GRM5: variants seen among roughly 807,000 people sequenced by gnomAD.
The protein encoded by GRM5 is metabotropic glutamate receptor 5.
GRM5 carries 19 observed loss-of-function variants against 83.1 expected under a neutral mutation model. That is an observed-to-expected ratio of 0.23 (90% CI 0.16 to 0.34). GRM5 has a LOEUF of 0.34. GRM5 is among the 10% of genes least tolerant of loss of function. GRM5 has a pLI of 1.00. For missense variants in GRM5, 1,160 were observed against 1,588.3 expected (o/e 0.73, Z 4.58); for synonymous variants, 675 against 633.6 (o/e 1.07, Z -0.98).
At chr11:88,555,705 G>C (rs907607136) in intron 8 of GRM5, among the ~76,000 whole-genome samples, 1 of 152,088 alleles carries the variant, frequency 6.6e-6, no homozygotes, top group African/African-American at 2.4e-5. Flanking sequence ...ACAGAGCAAG[G>C]CTAGGCACAA....
chr11:88,936,562 A>C (rs1369350392), intron 2 of GRM5, among the ~76,000 whole-genome samples: 1 of 151,900 alleles, frequency 6.6e-6, no homozygotes, highest in Non-Finnish European at 1.5e-5. Flanking sequence ...AGTATCTTTT[A>C]ACATAAACCA....
chr11:88,965,151 G>T (rs1938912300), intron 2 of GRM5, among the ~76,000 whole-genome samples: 2 of 152,262 alleles, frequency 1.3e-5, no homozygotes, highest in African/African-American at 2.4e-5. Flanking sequence ...AAACGTACTT[G>T]TTTTATTCAG....
intron 2 of GRM5, among the ~76,000 whole-genome samples, chr11:88,913,983 C>T (rs1019932321): frequency 6.6e-6 from 1 of 152,124 alleles, no homozygotes; most frequent in African/African-American, 2.4e-5. Flanking sequence ...CTCCTTTAAT[C>T]CTGATCACAT....
intron 2 of GRM5, among the ~76,000 whole-genome samples, chr11:88,870,255 A>G (rs984486157): frequency 7.1e-4 from 107 of 151,692 alleles, no homozygotes; most frequent in African/African-American, 2.4e-3. Context: ...AGTCCCCAAG[A>G]CAGACAGAGT....
intron 2 of GRM5, among the ~76,000 whole-genome samples, chr11:89,037,077 G>A (rs1941406636): frequency 6.6e-6 from 1 of 151,866 alleles, no homozygotes; most frequent in Non-Finnish European, 1.5e-5. Flanking sequence ...GTGCACATGT[G>A]GTGCACTATG....
chr11:88,535,413 C>T (rs535246980), intron 8 of GRM5, among the ~76,000 whole-genome samples: 4 of 152,304 alleles, frequency 2.6e-5, no homozygotes, highest in African/African-American at 7.2e-5. Context: ...CCTGACAATG[C>T]TCCAACCATA....
chr11:88,643,545 A>C (rs1407368456), intron 4 of GRM5, among the ~76,000 whole-genome samples: 1 of 152,208 alleles, frequency 6.6e-6, no homozygotes, highest in African/African-American at 2.4e-5. Flanking sequence ...AGATTAGGGA[A>C]TAATCCCCAA....
chr11:88,999,784 C>A (rs185145324), intron 2 of GRM5, among the ~76,000 whole-genome samples: 1 of 152,270 alleles, frequency 6.6e-6, no homozygotes, highest in African/African-American at 2.4e-5. Context: ...AAGACACATG[C>A]ACATGTATGT....
chr11:88,870,125 C>A (rs1274866149), intron 2 of GRM5, among the ~76,000 whole-genome samples: 2 of 151,276 alleles, frequency 1.3e-5, no homozygotes, highest in African/African-American at 4.8e-5. Flanking sequence ...TGGGACAGAG[C>A]TTTATAGGGA....
intron 2 of GRM5, among the ~76,000 whole-genome samples, chr11:88,956,698 C>G (rs904914735): frequency 1.3e-5 from 2 of 152,066 alleles, no homozygotes; most frequent in African/African-American, 2.4e-5. Context: ...CCCAGCTCCT[C>G]GAGAGGCTGA....
intron 2 of GRM5, among the ~76,000 whole-genome samples, chr11:88,942,681 G>A (rs1342675386): frequency 6.6e-6 from 1 of 151,586 alleles, no homozygotes; most frequent in African/African-American, 2.4e-5. Context: ...GCTTTCATTT[G>A]ATAATATAAT....
At chr11:89,037,528 C>A (rs1210508587) in intron 2 of GRM5, among the ~76,000 whole-genome samples, 3 of 152,088 alleles carry the variant, frequency 2.0e-5, no homozygotes, top group African/African-American at 4.8e-5. Context: ...AAATAATTCT[C>A]ATTTAAGTAG....
intron 3 of GRM5, among the ~76,000 whole-genome samples, chr11:88,659,772 C>A (rs1305369252): frequency 6.6e-6 from 1 of 152,106 alleles, no homozygotes. Flanking sequence ...AAATCTTAGA[C>A]AATTACGAAG....
At chr11:88,796,415 T>G (rs1943274504) in intron 3 of GRM5, among the ~76,000 whole-genome samples, 1 of 152,216 alleles carries the variant, frequency 6.6e-6, no homozygotes, top group Admixed American at 6.6e-5. Context: ...AATTAAATTT[T>G]TATAAAAAGT....
chr11:88,649,435 T>G (rs1343920160), intron 4 of GRM5, among the ~76,000 whole-genome samples: 1 of 143,882 alleles, frequency 7.0e-6, no homozygotes. Flanking sequence ...TATATGACAT[T>G]TATTATGTAT....
At chr11:89,015,765 T>C (rs1055657174) in intron 2 of GRM5, among the ~76,000 whole-genome samples, 9 of 152,160 alleles carry the variant, frequency 5.9e-5, no homozygotes, top group African/African-American at 1.9e-4. Context: ...TGACAGAAAA[T>C]AGTTTCATAT....
At chr11:89,035,991 TTATC>T (rs1345490999) in intron 2 of GRM5, among the ~76,000 whole-genome samples, 3 of 152,080 alleles carry the variant, frequency 2.0e-5, no homozygotes, top group Non-Finnish European at 4.4e-5. Context: ...TACAAAGAAG[TTATC>T]TATCTACTGC....
chr11:88,529,063 A>G (rs1941947473), intron 8 of GRM5, among the ~76,000 whole-genome samples: 1 of 152,100 alleles, frequency 6.6e-6, no homozygotes, highest in Non-Finnish European at 1.5e-5. Context: ...AATAAGTAGC[A>G]GAGTTATCAA....
intron 3 of GRM5, among the ~76,000 whole-genome samples, chr11:88,735,352 C>T (rs1469265168): frequency 2.6e-5 from 4 of 151,978 alleles, no homozygotes; most frequent in East Asian, 3.9e-4. Context: ...TGAAATAAAA[C>T]GAGTTTTCAG....
Sources: gnomAD v4.1 joint callset for allele counts (sites outside exome capture counted in the v4.1 genomes callset) on GRCh38, gnomAD v4.1.1 for gene constraint, MANE v1.5 for transcripts, NCBI Gene and HGNC (gene_info 2026-07-23, HGNC 2026-07-21) for gene names.